Variants in ECT2L observed in about 807,000 individuals in gnomAD.
ECT2L encodes epithelial cell transforming 2 like, also known as epithelial cell-transforming sequence 2 oncogene-like.
ECT2L carries 126 observed loss-of-function variants against 122.8 expected under a neutral mutation model. That is an observed-to-expected ratio of 1.03 (90% CI 0.89 to 1.19). The LOEUF is 1.19. Among genes scored for constraint, ECT2L ranks in the 50% most tolerant of loss-of-function variants. ECT2L has a pLI of 0.00. For missense variants in ECT2L, 1,012 were observed against 1,064.1 expected, an observed-to-expected ratio of 0.95 and a Z score of 0.68; for synonymous variants, 385 against 381.8, an observed-to-expected ratio of 1.01 and a Z score of -0.10.
At chr6:138,838,080 T>G (rs555349702) in intron 4 of ECT2L, among the ~76,000 whole-genome samples, 1 of 152,210 alleles carries the variant, frequency 6.6e-6, no homozygotes, top group African/African-American at 2.4e-5. Context: ...TTTTGTATTT[T>G]TAGTAGAGAC....
intron 4 of ECT2L, among the ~76,000 whole-genome samples, chr6:138,830,671 G>A (rs78916369): frequency 6.6e-6 from 1 of 152,056 alleles, no homozygotes; most frequent in African/African-American, 2.4e-5. Context: ...CTCACTCCTC[G>A]AAATGACAAT....
chr6:138,801,480 G>C (rs148059715), intron 1 of ECT2L, among the ~76,000 whole-genome samples: 2 of 152,128 alleles, frequency 1.3e-5, no homozygotes, highest in East Asian at 3.9e-4. Context: ...GGCCAGGTGC[G>C]GTGGCCCACA....
chr6:138,870,899 C>T (rs1330007794), intron 13 of ECT2L, among the ~76,000 whole-genome samples: 1 of 152,022 alleles, frequency 6.6e-6, no homozygotes, highest in Non-Finnish European at 1.5e-5. Context: ...CCCAGCTACT[C>T]AGGAGGCTGA....
chr6:138,816,685 C>T lies in ECT2L; in HGVS notation c.179+2082C>T, dbSNP rs369013025. Among the ~76,000 whole-genome samples, 14 of 152,268 alleles carry T rather than the reference C, an allele frequency of 9.2e-5. No individual in the cohort carries two copies. In the East Asian group the frequency reaches 1.7e-3, roughly 19 times the overall value. ...TATTTTTAGTAGAGATGGGGTTTCA[C>T]CGTGTTAGCCAGGATGGTCTCGATC... On this transcript the variant is annotated intron_variant, in intron 4 of 21. Coordinates refer to ENST00000541398, the MANE Select transcript of ECT2L (RefSeq NM_001077706.3).
At chr6:138,870,121 T>C (rs1190253330) in intron 13 of ECT2L, 1 of 152,660 alleles carries the variant, frequency 6.6e-6, no homozygotes, top group Non-Finnish European at 1.5e-5. Flanking sequence ...TCTGCTGCAG[T>C]ATTGACATCT....
chr6:138,863,192 CT>C (rs748217985), intron 11 of ECT2L, among the ~76,000 whole-genome samples: 25 of 152,282 alleles, frequency 1.6e-4, no homozygotes, highest in Non-Finnish European at 3.5e-4. Context: ...CATTTAGATA[CT>C]AAAGCTGCAA....
intron 4 of ECT2L, among the ~76,000 whole-genome samples, chr6:138,833,894 G>A (rs1776738939): frequency 6.6e-6 from 1 of 152,058 alleles, no homozygotes; most frequent in Non-Finnish European, 1.5e-5. Flanking sequence ...CCATAAAAGT[G>A]TTTGTAAAGA....
rs182479974 is a variant in ECT2L, at chr6:138,809,112, T to C, written c.-243-3726T>C. On this transcript the variant is annotated intron_variant, in intron 1 of 21. Transcript: ENST00000541398. ...CCTCCAGAACAATGTTAAACAAAGA[T>C]AGTGGTAGTGAACAGAGAGAAAGTT... Among the ~76,000 whole-genome samples, 373 of 152,360 alleles carry C rather than the reference T, an allele frequency of 2.4e-3. 3 individuals carry two copies. The highest frequency in any genetic ancestry group is 4.7e-3 in the Admixed American group (72 of 15,304).
chr6:138,849,294 G>C lies in ECT2L; in HGVS notation c.929G>C (p.Gly310Ala). 6.2e-7 allele frequency: 1 copy of C among 1,613,304 alleles called. No individual in the cohort carries two copies. Among genetic ancestry groups the C allele is most frequent in the Non-Finnish European group, 8.5e-7 (1 of 1,179,686 alleles). ...YEMVMESVKA[G>A]VVSVVYEHSV... ...ATGGTGATGGAGAGTGTGAAGGCTGGTGTTGTTTCTGTGGTATATGAACAC... is the reference window on the plus strand; with the variant it reads ...ATGGTGATGGAGAGTGTGAAGGCTGCTGTTGTTTCTGTGGTATATGAACAC... Residue 310 changes from glycine (G) to alanine (A), a missense_variant, in exon 9 of 22, where the codon GGT becomes GCT. Coordinates refer to ENST00000541398, the MANE Select transcript of ECT2L (RefSeq NM_001077706.3).
chr6:138,902,902 G>A lies in ECT2L; in HGVS notation c.*275G>A, dbSNP rs982595898. ...ATTATTTAGAGTAATTTGATGTGATGAAACCTAAGACAGAGCAAGCACATT... is the reference window on the plus strand; with the variant it reads ...ATTATTTAGAGTAATTTGATGTGATAAAACCTAAGACAGAGCAAGCACATT... On this transcript the variant is annotated 3_prime_UTR_variant, in exon 22 of 22. Transcript: ENST00000541398. 37 of 358,092 alleles carry A rather than the reference G, an allele frequency of 1.0e-4. No homozygotes were observed. Among genetic ancestry groups the A allele is most frequent in the Non-Finnish European group, 1.2e-4 (23 of 195,162 alleles). 22.2% of individuals were successfully genotyped at this position (358,092 alleles called of 1,614,324 possible). A position where few individuals can be genotyped will look rare whatever the true frequency, so the allele number is the denominator to read the frequency against.
chr6:138,835,375 C>T (rs1196605848), intron 4 of ECT2L, among the ~76,000 whole-genome samples: 1 of 151,924 alleles, frequency 6.6e-6, no homozygotes, highest in Non-Finnish European at 1.5e-5. Context: ...ATAGTGAAAC[C>T]ACATCTCCAT....
intron 9 of ECT2L, among the ~76,000 whole-genome samples, chr6:138,850,680 T>A (rs1005969132): frequency 6.6e-6 from 1 of 152,052 alleles, no homozygotes; most frequent in Non-Finnish European, 1.5e-5. Flanking sequence ...GATTGATGGA[T>A]TATATGATAG....
chr6:138,832,185 T>TTG (rs1776670884), intron 4 of ECT2L, among the ~76,000 whole-genome samples: 2 of 56,376 alleles, frequency 3.5e-5, no homozygotes, highest in Non-Finnish European at 7.9e-5. Flanking sequence ...CAAATGTCTG[T>TTG]TTTTTTTTTT....
intron 1 of ECT2L, among the ~76,000 whole-genome samples, chr6:138,799,060 G>C (rs1389736141): frequency 6.6e-6 from 1 of 152,194 alleles, no homozygotes; most frequent in African/African-American, 2.4e-5. Flanking sequence ...CTCTGAATCT[G>C]CTGTGATTCT....
intron 20 of ECT2L, among the ~76,000 whole-genome samples, chr6:138,895,549 A>C (rs1313038784): frequency 2.7e-5 from 4 of 150,942 alleles, no homozygotes; most frequent in African/African-American, 9.9e-5. Flanking sequence ...CTAACATAGT[A>C]ACAATTACTA....
intron 1 of ECT2L, among the ~76,000 whole-genome samples, chr6:138,798,175 T>C (rs1775407731): frequency 6.6e-6 from 1 of 152,180 alleles, no homozygotes; most frequent in Non-Finnish European, 1.5e-5. Context: ...ATCTTGTCCT[T>C]TGGGATTTTA....
chr6:138,896,382 C>A (rs577625353), intron 20 of ECT2L, among the ~76,000 whole-genome samples: 1 of 152,254 alleles, frequency 6.6e-6, no homozygotes, highest in South Asian at 2.1e-4. Context: ...GGGGAAATAT[C>A]CTATTATACT....
At chr6:138,802,831 C>A (rs1775587928) in intron 1 of ECT2L, among the ~76,000 whole-genome samples, 1 of 152,100 alleles carries the variant, frequency 6.6e-6, no homozygotes, top group Non-Finnish European at 1.5e-5. Flanking sequence ...AATCCCAGCA[C>A]TTTGGGAGGC....
chr6:138,864,008 A>T (rs1363976435), intron 11 of ECT2L, among the ~76,000 whole-genome samples: 3 of 139,676 alleles, frequency 2.1e-5, no homozygotes, highest in African/African-American at 8.7e-5. Context: ...TATTTAAAAA[A>T]AAAAAAAAAA....
Sources: allele counts gnomAD v4.1 joint callset (sites outside exome capture counted in the v4.1 genomes callset), GRCh38; gene constraint gnomAD v4.1.1; transcripts MANE v1.5; gene names NCBI Gene and HGNC (gene_info 2026-07-23, HGNC 2026-07-21).